Variants in PKIB observed in about 807,000 individuals in gnomAD.
PKIB encodes PKI-beta.
In PKIB, 2 loss-of-function variants were observed where a neutral mutation model predicts 4.5. The observed-to-expected ratio is 0.44, with a 90% CI of 0.18 to 1.39. PKIB has a LOEUF of 1.39. Among genes scored for constraint, PKIB ranks in the 40% most tolerant of loss-of-function variants. PKIB has a pLI of 0.27. For missense variants in PKIB, 94 were observed against 92.6 expected, an observed-to-expected ratio of 1.02 and a Z score of -0.06; for synonymous variants, 38 against 36.0, an observed-to-expected ratio of 1.06 and a Z score of -0.20.
intron 2 of PKIB, among the ~76,000 whole-genome samples, chr6:122,567,742 A>G (rs1292541208): frequency 6.6e-6 from 1 of 152,198 alleles, no homozygotes; most frequent in Non-Finnish European, 1.5e-5. Flanking sequence ...ATACATGCAA[A>G]AATTTTCATA....
intron 2 of PKIB, among the ~76,000 whole-genome samples, chr6:122,669,865 C>A (rs920938704): frequency 6.6e-6 from 1 of 152,060 alleles, no homozygotes; most frequent in African/African-American, 2.4e-5. Flanking sequence ...TTTTTATGTC[C>A]ATATATATTA....
At chr6:122,657,620 A>G (rs541464170) in intron 2 of PKIB, among the ~76,000 whole-genome samples, 6 of 152,350 alleles carry the variant, frequency 3.9e-5, no homozygotes, top group African/African-American at 1.4e-4. Context: ...CATATCTGCA[A>G]TGCTACTTCC....
At chr6:122,509,980 A>G (rs1419624104) in intron 2 of PKIB, among the ~76,000 whole-genome samples, 1 of 151,662 alleles carries the variant, frequency 6.6e-6, no homozygotes, top group African/African-American at 2.4e-5. Flanking sequence ...TGCAAGTTGA[A>G]ATTTTTTTCT....
intron 2 of PKIB, among the ~76,000 whole-genome samples, chr6:122,580,256 A>G (rs1042619413): frequency 1.3e-5 from 2 of 152,106 alleles, no homozygotes; most frequent in African/African-American, 4.8e-5. Context: ...GCATGCAAAC[A>G]TTTTCTACTA....
intron 2 of PKIB, among the ~76,000 whole-genome samples, chr6:122,514,525 A>G (rs189830780): frequency 5.9e-5 from 9 of 152,376 alleles, no homozygotes; most frequent in Admixed American, 5.9e-4. Context: ...AACAAAATGA[A>G]GAATCAGATT....
At chr6:122,582,440 A>G (rs1353793065) in intron 2 of PKIB, among the ~76,000 whole-genome samples, 1 of 152,090 alleles carries the variant, frequency 6.6e-6, no homozygotes, top group Non-Finnish European at 1.5e-5. Context: ...AGGCCAAAAA[A>G]TGTTTATATT....
At chr6:122,715,789 A>G (rs1779467468) in intron 3 of PKIB, among the ~76,000 whole-genome samples, 1 of 152,012 alleles carries the variant, frequency 6.6e-6, no homozygotes, top group African/African-American at 2.4e-5. Context: ...TTAGATGGCT[A>G]ACTATGTGCA....
At chr6:122,527,260 T>G (rs1777118580) in intron 2 of PKIB, among the ~76,000 whole-genome samples, 1 of 152,178 alleles carries the variant, frequency 6.6e-6, no homozygotes, top group South Asian at 2.1e-4. Context: ...CTGTTTTCCT[T>G]TCTTATTATT....
chr6:122,645,416 T>C (rs1296916836), intron 2 of PKIB, among the ~76,000 whole-genome samples: 1 of 152,166 alleles, frequency 6.6e-6, no homozygotes, highest in Non-Finnish European at 1.5e-5. Context: ...AGGCTGATTA[T>C]CTGGAGAGAA....
intron 1 of PKIB, among the ~76,000 whole-genome samples, chr6:122,632,432 T>C (rs893586532): frequency 6.6e-6 from 1 of 152,216 alleles, no homozygotes; most frequent in African/African-American, 2.4e-5. Context: ...ATATGTAGAC[T>C]GCCTGAGTGA....
At chr6:122,484,937 A>T (rs975707315) in intron 2 of PKIB, among the ~76,000 whole-genome samples, 3 of 152,188 alleles carry the variant, frequency 2.0e-5, no homozygotes, top group East Asian at 3.8e-4. Context: ...CTAGCAGCAG[A>T]AGTTCAACCA....
chr6:122,475,642 T>A (rs958155025), intron 1 of PKIB, among the ~76,000 whole-genome samples: 6 of 151,700 alleles, frequency 4.0e-5, no homozygotes, highest in African/African-American at 1.5e-4. Flanking sequence ...AAAAATTAGC[T>A]CGGTGTGGTG....
chr6:122,662,610 G>A (rs1170227527), intron 2 of PKIB, among the ~76,000 whole-genome samples: 2 of 151,906 alleles, frequency 1.3e-5, no homozygotes, highest in African/African-American at 4.8e-5. Flanking sequence ...ATCAGCCACC[G>A]TGCTCGGCCT....
intron 3 of PKIB, among the ~76,000 whole-genome samples, chr6:122,588,650 T>G (rs1250467926): frequency 6.6e-6 from 1 of 152,188 alleles, no homozygotes; most frequent in Non-Finnish European, 1.5e-5. Context: ...TTCGTGTATT[T>G]GTATAAATAT....
At chr6:122,479,546 C>T (rs1262210372) in intron 2 of PKIB, 6 of 152,198 alleles carry the variant, frequency 3.9e-5, no homozygotes, top group African/African-American at 1.4e-4. Context: ...AATGCATTTA[C>T]TCATGGGTGC....
intron 2 of PKIB, among the ~76,000 whole-genome samples, chr6:122,557,271 A>T (rs1316834298): frequency 1.3e-5 from 2 of 152,186 alleles, no homozygotes; most frequent in Admixed American, 6.5e-5. Context: ...GCATGAGCAA[A>T]TGTCACAGAT....
chr6:122,562,004 G>GTTTTTTTTTTTTTT (rs758656278), intron 2 of PKIB, among the ~76,000 whole-genome samples: 2 of 79,498 alleles, frequency 2.5e-5, no homozygotes, highest in African/African-American at 5.1e-5. Flanking sequence ...GTTTTTTTTT[G>GTTTTTTTTTTTTTT]TTTTTTTTTT....
intron 2 of PKIB, among the ~76,000 whole-genome samples, chr6:122,542,627 A>G (rs958487052): frequency 1.3e-5 from 2 of 151,934 alleles, no homozygotes; most frequent in African/African-American, 4.8e-5. Context: ...GTCTGCCCCT[A>G]CTGGGGGGTG....
chr6:122,586,012 C>A (rs954488463), intron 3 of PKIB: 1 of 152,124 alleles, frequency 6.6e-6, no homozygotes, highest in African/African-American at 2.4e-5. Context: ...TGGAAGGTAA[C>A]ATCTTTTTGG....
Sources: gnomAD v4.1 joint callset for allele counts (sites outside exome capture counted in the v4.1 genomes callset) on GRCh38, gnomAD v4.1.1 for gene constraint, MANE v1.5 for transcripts, NCBI Gene and HGNC (gene_info 2026-07-23, HGNC 2026-07-21) for gene names.